SCN9A: variants seen among roughly 807,000 people sequenced by gnomAD.
SCN9A encodes the protein sodium voltage-gated channel alpha subunit 9.
In SCN9A, 131 loss-of-function variants were observed where a neutral mutation model predicts 187.0. The observed-to-expected ratio is 0.70, with a 90% CI of 0.61 to 0.81. The LOEUF is 0.81. Ranked by LOEUF, SCN9A falls within the 30% of genes least tolerant of loss-of-function variation. SCN9A has a pLI of 0.00. For missense variants in SCN9A, 2,252 were observed against 2,396.6 expected, an observed-to-expected ratio of 0.94 and a Z score of 1.26; for synonymous variants, 809 against 808.6, an observed-to-expected ratio of 1.00 and a Z score of -0.01.
At chr2:166,340,211 G>A (rs1699729845) in intron 1 of SCN9A, among the ~76,000 whole-genome samples, 1 of 152,148 alleles carries the variant, frequency 6.6e-6, no homozygotes, top group African/African-American at 2.4e-5. Flanking sequence ...AATTATCTGA[G>A]AAATATAATC....
At chr2:166,307,559 C>T (rs953348029) in intron 2 of SCN9A, among the ~76,000 whole-genome samples, 3 of 152,098 alleles carry the variant, frequency 2.0e-5, no homozygotes, top group Non-Finnish European at 2.9e-5. Context: ...AAAATATTTT[C>T]CTAAGTTGAA....
chr2:166,272,540 C>G lies in SCN9A; in HGVS notation c.3210G>C (p.Leu1070Phe), dbSNP rs748079597. Reference sequence around the variant, plus strand: ...ATGATTGACCATCACTGTCTTCCATCAAGTGTTTGTCCACGCTGCTTCCAA... The same window carrying G: ...ATGATTGACCATCACTGTCTTCCATGAAGTGTTTGTCCACGCTGCTTCCAA... ...SGFGSSVDKH[L>F]MEDSDGQSFI... Residue 1070 changes from leucine to phenylalanine, a missense_variant, in exon 17 of 27, where the codon TTG becomes TTC. Leu to Phe is a conservative substitution (Grantham distance 22). Transcript: ENST00000642356. 6.2e-7 allele frequency: 1 copy of G among 1,613,454 alleles called. No homozygotes were observed. The highest frequency in any genetic ancestry group is 2.2e-5 in the East Asian group (1 of 44,790).
chr2:166,309,099 C>T (rs893657633), intron 2 of SCN9A, among the ~76,000 whole-genome samples: 1 of 151,638 alleles, frequency 6.6e-6, no homozygotes, highest in Non-Finnish European at 1.5e-5. Context: ...AGATATCATA[C>T]AGAAAAATAT....
chr2:166,272,642 G>A lies in SCN9A; in HGVS notation c.3108C>T (p.Asn1036=). ...QAEDLNTKKE[N]YISNHTLAEM... is the part of the protein sequence containing the mutation. ...CAGCAAGTGTATGGTTAGAAATATA[G>A]TTTTCCTTCTTAGTATTCAGATCTT... is the stretch of plus-strand genomic sequence containing the variant. The change falls in exon 17 of 27, where the codon AAC becomes AAT. Residue 1036 remains asparagine, a synonymous_variant. Transcript: ENST00000642356. 1 of 1,612,884 alleles carries A rather than the reference G, an allele frequency of 6.2e-7. No individual in the cohort carries two copies. The highest frequency in any genetic ancestry group is 8.5e-7 in the Non-Finnish European group (1 of 1,179,528).
At chr2:166,279,951 A>G (rs1310542975) in intron 14 of SCN9A, among the ~76,000 whole-genome samples, 1 of 152,116 alleles carries the variant, frequency 6.6e-6, no homozygotes, top group African/African-American at 2.4e-5. Flanking sequence ...GAGGACCCAA[A>G]CACTTCACTA....
Position 166,324,247 on chromosome 2 carries a change from C to T in SCN9A, c.-50-12441G>A, listed in dbSNP as rs564871823. ...GGCAGAGGTTGCAGTGAGCCGAGATCGCGCCACTGCACTCCAGCCTGAACC... is the reference window on the plus strand; with the variant it reads ...GGCAGAGGTTGCAGTGAGCCGAGATTGCGCCACTGCACTCCAGCCTGAACC... On this transcript the variant is annotated intron_variant, in intron 1 of 26. Transcript: ENST00000642356. Among the ~76,000 whole-genome samples the T allele has an allele frequency of 1.6e-4, 25 of 151,734 alleles. No individual in the cohort carries two copies. In the South Asian group the frequency reaches 2.9e-3, roughly 18 times the overall value.
chr2:166,260,712 A>G (rs1470448685), intron 17 of SCN9A, among the ~76,000 whole-genome samples: 1 of 151,546 alleles, frequency 6.6e-6, no homozygotes, highest in African/African-American at 2.4e-5. Context: ...GGAGAGAAAA[A>G]CTCTATGCCT....
At chr2:166,270,794 A>G (rs900240953) in intron 17 of SCN9A, among the ~76,000 whole-genome samples, 1 of 148,262 alleles carries the variant, frequency 6.7e-6, no homozygotes, top group Non-Finnish European at 1.5e-5. Context: ...AGTCATGATT[A>G]TTCCATATAA....
chr2:166,320,798 T>C (rs1346715886), intron 1 of SCN9A, among the ~76,000 whole-genome samples: 2 of 152,180 alleles, frequency 1.3e-5, no homozygotes, highest in Non-Finnish European at 2.9e-5. Flanking sequence ...TGTTAGGTAA[T>C]GTTAAAAATG....
At chr2:166,208,857 A>G (rs918025927) in intron 24 of SCN9A, among the ~76,000 whole-genome samples, 14 of 152,344 alleles carry the variant, frequency 9.2e-5, no homozygotes, top group African/African-American at 3.4e-4. Context: ...CTGTGCTGGT[A>G]TCCTGTTACT....
chr2:166,207,978 A>G (rs1259963084), intron 24 of SCN9A, among the ~76,000 whole-genome samples: 1 of 152,200 alleles, frequency 6.6e-6, no homozygotes, highest in East Asian at 1.9e-4. Context: ...GAGAAAATCA[A>G]AGTAATAGAT....
Position 166,281,799 on chromosome 2 carries a change from T to G in SCN9A, c.1984A>C (p.Asn662His). Residue 662 changes from asparagine (N) to histidine (H), a missense_variant, in exon 13 of 27, where the codon AAT becomes CAT. By Grantham distance (68) the Asn-to-His change is moderately conservative. Around this residue, in one of 7 missense-constraint regions of SCN9A, gnomAD observed 1,013 missense variants for 997.4 expected, o/e 1.02. Transcript: ENST00000642356. ...CAACGCCTTTTCTTGTGTATTTGAT[T>G]GGTCGTGCCCTAAAAAAAAAATCAA... The part of the protein sequence containing the change: ...KATSDDSGTT[N>H]QIHKKRRCSS... The G allele has an allele frequency of 6.2e-7, 1 of 1,611,170 alleles. No individual in the cohort carries two copies.
intron 4 of SCN9A, 91 bp from the exon 5 acceptor site, chr2:166,306,011 G>A (rs1190010624): frequency 2.0e-6 from 3 of 1,472,370 alleles, no homozygotes; most frequent in African/African-American, 1.4e-5. Flanking sequence ...ATTAACCACT[G>A]GAAGACATAT....
At chr2:166,358,136 C>T (rs1040223133) in intron 1 of SCN9A, among the ~76,000 whole-genome samples, 1 of 151,692 alleles carries the variant, frequency 6.6e-6, no homozygotes, top group African/African-American at 2.4e-5. Context: ...TTGGTGCGAT[C>T]TCAGCTCACT....
intron 17 of SCN9A, among the ~76,000 whole-genome samples, chr2:166,254,814 A>AT (rs1179347922): frequency 4.0e-5 from 6 of 151,174 alleles, no homozygotes; most frequent in African/African-American, 4.8e-5. Context: ...GGAAGTATCA[A>AT]TTTTTTTCAT....
intron 24 of SCN9A, among the ~76,000 whole-genome samples, chr2:166,217,613 G>A (rs1322992090): frequency 6.6e-6 from 1 of 152,044 alleles, no homozygotes. Flanking sequence ...ATTAAAAAAT[G>A]CTCAACATCT....
chr2:166,270,315 G>A (rs1044255698), intron 17 of SCN9A, among the ~76,000 whole-genome samples: 5 of 151,932 alleles, frequency 3.3e-5, no homozygotes, highest in Admixed American at 6.6e-5. Flanking sequence ...GTAATCTGAA[G>A]ATAATTTAAA....
Position 166,272,609 on chromosome 2 carries a change from G to T in SCN9A, c.3141C>A (p.Ser1047Arg). Residue 1047 changes from serine (S) to arginine (R), a missense_variant, in exon 17 of 27, where the codon AGC (serine) becomes AGA (arginine). By Grantham distance (110) the Ser-to-Arg change is moderately radical (BLOSUM62 -1). Coordinates refer to ENST00000642356, the MANE Select transcript of SCN9A (RefSeq NM_001365536.1). ...YISNHTLAEM[S>R]KGHNFLKEKD... ...TTTCCTTGAGGAAATTGTGACCTTTGCTCATTTCAGCAAGTGTATGGTTAG... is the reference window on the plus strand; with the variant it reads ...TTTCCTTGAGGAAATTGTGACCTTTTCTCATTTCAGCAAGTGTATGGTTAG... 6.2e-7 allele frequency: 1 copy of T among 1,613,244 alleles called. No individual in the cohort carries two copies. The highest frequency in any genetic ancestry group is 1.1e-5 in the South Asian group (1 of 91,040).
At chr2:166,291,426 G>A (rs1242818145) in intron 9 of SCN9A, among the ~76,000 whole-genome samples, 1 of 152,120 alleles carries the variant, frequency 6.6e-6, no homozygotes, top group Non-Finnish European at 1.5e-5. Flanking sequence ...AACAAGAGAG[G>A]ACACAAACAA....
Sources: gnomAD v4.1 joint callset for allele counts (sites outside exome capture counted in the v4.1 genomes callset) on GRCh38, gnomAD v4.1.1 for gene constraint, gnomAD v4.1.1 regional missense constraint, MANE v1.5 for transcripts, NCBI Gene and HGNC (gene_info 2026-07-23, HGNC 2026-07-21) for gene names.